Variants in PRKN observed in about 807,000 individuals in gnomAD.
The protein encoded by PRKN is parkin RBR E3 ubiquitin protein ligase, also known as E3 ubiquitin-protein ligase parkin.
PRKN carries 56 observed loss-of-function variants against 59.5 expected under a neutral mutation model. The observed-to-expected ratio is 0.94, with a 90% CI of 0.76 to 1.18. PRKN has a LOEUF of 1.18. Ranked by LOEUF, PRKN falls within the 50% of genes most tolerant of loss-of-function variation. The pLI is 0.00. For missense variants in PRKN, 657 were observed against 596.4 expected, an observed-to-expected ratio of 1.10 and a Z score of -1.06; for synonymous variants, 250 against 222.1, an observed-to-expected ratio of 1.13 and a Z score of -1.12.
chr6:161,416,901 C>A (rs1787878727), intron 9 of PRKN, among the ~76,000 whole-genome samples: 1 of 152,104 alleles, frequency 6.6e-6, no homozygotes, highest in African/African-American at 2.4e-5. Context: ...GGAGAGAGGT[C>A]AGAATGCAGG....
intron 2 of PRKN, among the ~76,000 whole-genome samples, chr6:162,320,431 A>AC (rs1382967241): frequency 6.7e-6 from 1 of 149,320 alleles, no homozygotes; most frequent in Non-Finnish European, 1.5e-5. Flanking sequence ...AAAAAAAAAA[A>AC]AACCCCACAA....
At chr6:162,390,396 T>TATATATACACAC (rs1180636201) in intron 2 of PRKN, among the ~76,000 whole-genome samples, 9 of 84,112 alleles carry the variant, frequency 1.1e-4, no homozygotes, top group African/African-American at 3.6e-4. Flanking sequence ...TATATATATA[T>TATATATACACAC]ACACACACAC....
intron 1 of PRKN, among the ~76,000 whole-genome samples, chr6:162,643,522 C>T (rs1239507468): frequency 6.6e-6 from 1 of 151,734 alleles, no homozygotes; most frequent in Non-Finnish European, 1.5e-5. Flanking sequence ...CCCATTTCGG[C>T]GGGGAGGCAG....
chr6:162,660,512 G>A (rs79018890), intron 1 of PRKN, among the ~76,000 whole-genome samples: 1 of 152,170 alleles, frequency 6.6e-6, no homozygotes, highest in Non-Finnish European at 1.5e-5. Context: ...TTCTCGTAGA[G>A]TCTTCTATGA....
rs1413600009 is a variant in PRKN at position 161,395,741 on chromosome 6, A to C, written c.1084-8864T>G. ...GTTCCTAGCCAAAGCAATTACTCTG[A>C]CCACGTTTAAGTCTTGTCTACACAG... is the stretch of plus-strand genomic sequence containing the variant. On this transcript the variant is annotated intron_variant, in intron 9 of 11. Transcript: ENST00000366898. The surrounding 1 kb of genome is among the most constrained non-coding windows in gnomAD (Gnocchi z 5.0). Among the ~76,000 whole-genome samples, 1 of 152,194 alleles carries C rather than the reference A, an allele frequency of 6.6e-6. No individual in the cohort carries two copies. The highest frequency in any genetic ancestry group is 2.4e-5 in the African/African-American group (1 of 41,434).
rs921542388 is a variant in PRKN, at chr6:161,777,856, G to A, written c.871+7916C>T. On this transcript the variant is annotated intron_variant, in intron 7 of 11. Coordinates refer to ENST00000366898, the MANE Select transcript of PRKN (RefSeq NM_004562.3). The stretch of plus-strand genomic sequence containing the variant: ...TGTATACGTATATATGTATATATGT[G>A]TATATATGTATATGTATACGTATAT... 3.0e-4 allele frequency among the ~76,000 whole-genome samples: 43 copies of A among 143,030 alleles called. 1 individual carries two copies. The highest frequency in any genetic ancestry group is 1.1e-3 in the African/African-American group (43 of 38,488). 93.8% of individuals were successfully genotyped at this position (143,030 alleles called of 152,430 possible). A position where few individuals can be genotyped will look rare whatever the true frequency, so the allele number is the denominator to read the frequency against.
chr6:161,779,422 C>A (rs1403694036), intron 7 of PRKN, among the ~76,000 whole-genome samples: 2 of 77,658 alleles, frequency 2.6e-5, no homozygotes, highest in South Asian at 8.2e-4. Flanking sequence ...TCTTTTTTTT[C>A]TCTTTTTCTT....
intron 2 of PRKN, among the ~76,000 whole-genome samples, chr6:162,378,517 CT>C (rs1786249370): frequency 6.6e-6 from 1 of 152,230 alleles, no homozygotes; most frequent in South Asian, 2.1e-4. Flanking sequence ...CAATTTCCCA[CT>C]TTTATTAATC....
At position 162,121,645 on chromosome 6, in the gene PRKN, A is replaced by T. The variant is rs576025711; in HGVS notation, c.535-67471T>A. Among the ~76,000 whole-genome samples, 4 of 152,292 alleles carry T rather than the reference A, an allele frequency of 2.6e-5. No individual in the cohort carries two copies. In the East Asian group the frequency reaches 7.7e-4, roughly 29 times the overall value. On this transcript the variant is annotated intron_variant, in intron 4 of 11. Transcript: ENST00000366898. ...ATATGTCAATGTCTATGACAAACAG[A>T]GGTTCTGTTGTGGTTAGCTGCTGGG...
chr6:162,127,851 T>C (rs993103477), intron 4 of PRKN, among the ~76,000 whole-genome samples: 7 of 152,190 alleles, frequency 4.6e-5, no homozygotes, highest in Non-Finnish European at 1.0e-4. Flanking sequence ...AATTAAAATA[T>C]ACAATGAAAA....
At chr6:161,540,310 AT>A (rs1278622692) in intron 9 of PRKN, among the ~76,000 whole-genome samples, 1 of 152,176 alleles carries the variant, frequency 6.6e-6, no homozygotes, top group Non-Finnish European at 1.5e-5. Context: ...ATTCTATGAA[AT>A]TTTAAAATCT....
chr6:162,566,786 A>T (rs1021013045), intron 1 of PRKN, among the ~76,000 whole-genome samples: 1 of 152,166 alleles, frequency 6.6e-6, no homozygotes. Context: ...TTGTTCTACA[A>T]GGCCAGTATT....
intron 2 of PRKN, among the ~76,000 whole-genome samples, chr6:162,388,208 T>C (rs766743866): frequency 6.6e-6 from 1 of 152,118 alleles, no homozygotes; most frequent in Admixed American, 6.5e-5. Context: ...TGGCAGCGAC[T>C]CTGGGCAGTG....
At chr6:162,309,946 T>C (rs930992090) in intron 2 of PRKN, among the ~76,000 whole-genome samples, 1 of 152,156 alleles carries the variant, frequency 6.6e-6, no homozygotes, top group Non-Finnish European at 1.5e-5. Flanking sequence ...CCCACTTATA[T>C]GTAAGAACAT....
At chr6:161,599,280 T>C (rs1782025846) in intron 7 of PRKN, among the ~76,000 whole-genome samples, 1 of 152,196 alleles carries the variant, frequency 6.6e-6, no homozygotes, top group African/African-American at 2.4e-5. Context: ...GATATATTCT[T>C]GTGACTCAGA....
chr6:161,491,249 G>A (rs192126912), intron 9 of PRKN, among the ~76,000 whole-genome samples: 2 of 152,284 alleles, frequency 1.3e-5, no homozygotes, highest in Admixed American at 1.3e-4. Flanking sequence ...AGGTGGCTGG[G>A]CTGATGGGCA....
chr6:162,442,253 T>A (rs879642261), intron 2 of PRKN, among the ~76,000 whole-genome samples: 6 of 152,146 alleles, frequency 3.9e-5, no homozygotes, highest in Admixed American at 2.6e-4. Flanking sequence ...AGGATGCAGA[T>A]ACAAGGACGG....
intron 6 of PRKN, among the ~76,000 whole-genome samples, chr6:161,940,122 C>T (rs1484237589): frequency 6.6e-6 from 1 of 152,090 alleles, no homozygotes; most frequent in Non-Finnish European, 1.5e-5. Flanking sequence ...TCTCAAACTC[C>T]TGACTTCAGG....
At chr6:161,924,927 C>G (rs144154497) in intron 6 of PRKN, among the ~76,000 whole-genome samples, 379 of 152,306 alleles carry the variant, frequency 2.5e-3, no homozygotes, top group Non-Finnish European at 4.4e-3. Flanking sequence ...CCTCCACAAA[C>G]AAGAACCACG....
Sources: gnomAD v4.1 joint callset for allele counts (sites outside exome capture counted in the v4.1 genomes callset) on GRCh38, gnomAD v4.1.1 for gene constraint, Gnocchi (gnomAD v3.1) non-coding constraint, MANE v1.5 for transcripts, NCBI Gene and HGNC (gene_info 2026-07-23, HGNC 2026-07-21) for gene names.